ZNF177: variants seen among roughly 807,000 people sequenced by gnomAD.
ZNF177 encodes zinc finger protein 177.
In ZNF177, 17 loss-of-function variants were observed where a neutral mutation model predicts 19.4. The observed-to-expected ratio is 0.87, with a 90% CI of 0.60 to 1.31. ZNF177 has a LOEUF of 1.31. Ranked by LOEUF, ZNF177 falls within the 40% of genes most tolerant of loss-of-function variation. The pLI is 0.00. For synonymous variants in ZNF177, 220 were observed against 188.7 expected (o/e 1.17, Z -1.36); for missense variants, 633 against 561.8 (o/e 1.13, Z -1.28).
chr19:9,363,321 C>G (rs116509332), intron 1 of ZNF177: 1 of 152,284 alleles, frequency 6.6e-6, no homozygotes, highest in Non-Finnish European at 1.5e-5. Context: ...CAGAGTGCGT[C>G]GGCGGGGCCT....
exon 6 of ZNF177, chr19:9,382,094 C>T: frequency 2.4e-6 from 1 of 408,870 alleles, no homozygotes; most frequent in South Asian, 8.7e-5. Context: ...AATTGCTGGA[C>T]ACTGACTGAT....
Position 9,367,285 on chromosome 19 carries a change from A to T in ZNF177, c.-305+2337A>T, listed in dbSNP as rs535028106. Among the ~76,000 whole-genome samples, 8 of 152,292 alleles carry T rather than the reference A, an allele frequency of 5.3e-5. 1 individual carries two copies. In the South Asian group the frequency reaches 1.7e-3, roughly 32 times the overall value. ...AGCAGAGATCGCACCACTGCACTCC[A>T]GCCTGGGAAACAGACCAAGAGTGTC... is the stretch of plus-strand genomic sequence containing the variant. On this transcript the variant is annotated intron_variant, in intron 2 of 8. Coordinates refer to the ZNF177 transcript ENST00000343499.
intron 2 of ZNF177, among the ~76,000 whole-genome samples, chr19:9,369,173 C>T (rs1417583576): frequency 6.6e-6 from 1 of 152,048 alleles, no homozygotes; most frequent in African/African-American, 2.4e-5. Flanking sequence ...CTAGATTAAG[C>T]ATACTCATTG....
chr19:9,372,849 T>C (rs1304366569), upstream of ZNF177, among the ~76,000 whole-genome samples: 2 of 152,076 alleles, frequency 1.3e-5, no homozygotes, highest in African/African-American at 4.8e-5. Flanking sequence ...ACCCTGCCAG[T>C]TTTGTTTTTC....
chr19:9,376,608 T>A (rs1362802876), intron 1 of ZNF177, among the ~76,000 whole-genome samples, 185 bp downstream of exon 3: 1 of 152,216 alleles, frequency 6.6e-6, no homozygotes, highest in Non-Finnish European at 1.5e-5. Context: ...GCTTAAAACA[T>A]CCTGTAGTTT....
chr19:9,373,818 A>G (rs1205118040), upstream of ZNF177, among the ~76,000 whole-genome samples: 1 of 152,010 alleles, frequency 6.6e-6, no homozygotes, highest in Non-Finnish European at 1.5e-5. Context: ...TATTTCGTAA[A>G]TATTTTAAAT....
chr19:9,378,812 A>G (rs1163372146), intron 2 of ZNF177, 150 bp from the exon 5 acceptor site: 2 of 1,251,360 alleles, frequency 1.6e-6, no homozygotes, highest in Non-Finnish European at 2.1e-6. Context: ...ACTCAGCTTT[A>G]AGGCAAATTA....
At chr19:9,368,942 G>GTT (rs1191647390) in intron 2 of ZNF177, among the ~76,000 whole-genome samples, 1 of 152,080 alleles carries the variant, frequency 6.6e-6, no homozygotes, top group Non-Finnish European at 1.5e-5. Flanking sequence ...CAGAGAACAT[G>GTT]TTTGTATACC....
At chr19:9,379,930 G>A (rs75089190) in intron 4 of ZNF177, 127 bp from the exon 7 acceptor site, 13,136 of 1,132,596 alleles carry the variant, frequency 0.012, 135 homozygotes, top group African/African-American at 0.047. Context: ...CACTGGTTGT[G>A]TCTTCTTTCT....
exon 6 of ZNF177, chr19:9,380,821 A>C: frequency 1.3e-6 from 2 of 1,536,132 alleles, no homozygotes; most frequent in Non-Finnish European, 1.7e-6. Flanking sequence ...CTCAACTCTT[A>C]GGAGTCATGT....
intron 2 of ZNF177, 115 bp from the exon 5 acceptor site, chr19:9,378,847 G>A: frequency 2.1e-6 from 3 of 1,416,992 alleles, no homozygotes; most frequent in Non-Finnish European, 2.8e-6. Flanking sequence ...ATGCATGTCT[G>A]AGCTTCCAGT....
intron 2 of ZNF177, among the ~76,000 whole-genome samples, chr19:9,368,960 T>C (rs745741472): frequency 2.0e-5 from 3 of 152,150 alleles, no homozygotes; most frequent in Non-Finnish European, 4.4e-5. Flanking sequence ...ACCAAATCTT[T>C]TTCTAAGTTT....
At chr19:9,372,573 G>C (rs1312992140), upstream of ZNF177, among the ~76,000 whole-genome samples, 1 of 113,368 alleles carries the variant, frequency 8.8e-6, no homozygotes, top group African/African-American at 3.7e-5. Flanking sequence ...TTGAGATGGA[G>C]TCTTGCTCTG....
exon 6 of ZNF177, chr19:9,381,799 T>C: frequency 1.3e-6 from 2 of 1,567,522 alleles, no homozygotes; most frequent in Non-Finnish European, 1.7e-6. Context: ...GAAGTGTTTG[T>C]TGCCCCTCAT....
At chr19:9,368,401 AT>A (rs1397302068) in intron 2 of ZNF177, among the ~76,000 whole-genome samples, 5 of 152,096 alleles carry the variant, frequency 3.3e-5, no homozygotes, top group Admixed American at 1.3e-4. Context: ...AAAGTTTTGA[AT>A]TTGATTAAAG....
chr19:9,369,931 C>T (rs985483011), intron 2 of ZNF177, among the ~76,000 whole-genome samples: 14 of 152,162 alleles, frequency 9.2e-5, no homozygotes, highest in East Asian at 5.8e-4. Flanking sequence ...TTCCATGTCA[C>T]GAATTTGGTA....
intron 5 of ZNF177, 143 bp from the exon 8 acceptor site, chr19:9,380,525 C>A: frequency 6.7e-7 from 1 of 1,502,766 alleles, no homozygotes; most frequent in Non-Finnish European, 8.9e-7. Flanking sequence ...GGGCAAAAGT[C>A]ATACGCACCT....
chr19:9,369,854 G>A (rs1215091311), intron 2 of ZNF177, among the ~76,000 whole-genome samples: 2 of 151,912 alleles, frequency 1.3e-5, no homozygotes, highest in African/African-American at 4.8e-5. Flanking sequence ...AAGAATACAA[G>A]GAACATACTA....
intron 4 of ZNF177, 32 bp downstream of exon 6, chr19:9,379,651 G>A (rs2068161837): frequency 6.2e-7 from 1 of 1,607,294 alleles, no homozygotes; most frequent in Non-Finnish European, 8.5e-7. Context: ...GTGCAGCCTT[G>A]GCCAGTGAGG....
Sources: allele counts gnomAD v4.1 joint callset (sites outside exome capture counted in the v4.1 genomes callset), GRCh38; gene constraint gnomAD v4.1.1; transcripts MANE v1.5; gene names NCBI Gene and HGNC (gene_info 2026-07-23, HGNC 2026-07-21).